The following TTN variants were observed in gnomAD, a reference collection of about 807,000 sequenced individuals.
The protein encoded by TTN is titin, also known as connectin.
TTN carries 1,525 observed loss-of-function variants against 3,223.0 expected under a neutral mutation model. The observed-to-expected ratio is 0.47, with a 90% CI of 0.45 to 0.49. TTN has a LOEUF of 0.49. Ranked by LOEUF, TTN falls within the 20% of genes least tolerant of loss-of-function variation. TTN has a pLI of 0.00. For synonymous variants in TTN, 14,094 were observed against 15,161.0 expected (o/e 0.93, Z 5.17); for missense variants, 40,786 against 43,424.0 (o/e 0.94, Z 5.40).
chr2:178,741,107 T>A lies in TTN; in HGVS notation c.12126A>T (p.Ala4042=), dbSNP rs1251839908. 1.9e-6 allele frequency: 3 copies of A among 1,613,844 alleles called. No individual in the cohort carries two copies. The highest frequency in any genetic ancestry group is 2.5e-6 in the Non-Finnish European group (3 of 1,179,820). The change falls in exon 48 of 363, where the codon GCA becomes GCT. Residue 4042 remains alanine (A), a synonymous_variant. Transcript: ENST00000589042. ...CCTCAGGAGCCTCTGGTGTGGACTT[T>A]GCTTTGCAGGGGGTATCAGTCATGT... ...DTDMTDTPCK[A]KSTPEAPEDF... is the part of the protein sequence containing the mutation.
At chr2:178,579,494 G>A in intron 319 of TTN, 67 bp downstream of exon 319, 1 of 1,583,772 alleles carries the variant, frequency 6.3e-7, no homozygotes, top group East Asian at 2.2e-5. Context: ...AAGCTAGTGA[G>A]TGGGACACAA....
At chr2:178,772,217 C>A (rs183850388) in intron 33 of TTN, among the ~76,000 whole-genome samples, 2 of 152,172 alleles carry the variant, frequency 1.3e-5, no homozygotes, top group Admixed American at 6.5e-5. Flanking sequence ...TATAAAAATG[C>A]TGAATCTGAA....
rs544355195 is a variant in TTN at position 178,721,078 on chromosome 2, G to A, written c.22941C>T (p.Ser7647=). 14 of 1,612,972 alleles carry A rather than the reference G, an allele frequency of 8.7e-6. No homozygotes were observed. The highest frequency in any genetic ancestry group is 4.5e-5 in the East Asian group (2 of 44,872). ...TGTATTTCCAACTTTCATGAAGTTCGCTGTCATTTCGGAACCATGAAACTT... is the reference window on the plus strand; with the variant it reads ...TGTATTTCCAACTTTCATGAAGTTCACTGTCATTTCGGAACCATGAAACTT... ...EIKVSWFRND[S]ELHESWKYNM... is the part of the protein sequence containing the mutation. Residue 7647 remains serine (S), a synonymous_variant, in exon 79 of 363, where the codon AGC becomes AGT. Transcript: ENST00000589042.
At position 178,679,335 on chromosome 2, in the gene TTN, G is replaced by A. The variant is rs1315153131; in HGVS notation, c.33742+4C>T. ...TATTCCACTGATGGATTATAAGGAT[G>A]TACCTTTTGCTGGCGGAGGCTTCTC... is the stretch of plus-strand genomic sequence containing the variant. On this transcript the variant is annotated splice_donor_region_variant and intron_variant, in intron 142 of 362. Transcript: ENST00000589042. 2 of 1,612,416 alleles carry A rather than the reference G, an allele frequency of 1.2e-6. No individual in the cohort carries two copies. Among genetic ancestry groups the A allele is most frequent in the Admixed American group, 1.7e-5 (1 of 59,842 alleles).
At chr2:178,783,131 C>A (rs772022563) in intron 17 of TTN, 67 bp from the exon 18 acceptor site, 33 of 1,579,310 alleles carry the variant, frequency 2.1e-5, no homozygotes, top group Non-Finnish European at 2.5e-5. Context: ...TGTTTTGTAA[C>A]AAATGTAGAG....
intron 6 of TTN, 87 bp downstream of exon 6, chr2:178,799,400 C>T (rs1002030449): frequency 6.2e-6 from 10 of 1,601,544 alleles, no homozygotes; most frequent in Middle Eastern, 2.2e-4. Flanking sequence ...GCGTCGCATG[C>T]CCTGCGAGGG....
In TTN at chr2:178,561,841, G is replaced by A. The variant is rs771977876; in HGVS notation, c.84291C>T (p.Thr28097=). 3.7e-6 allele frequency: 6 copies of A among 1,613,554 alleles called. No homozygotes were observed. Among genetic ancestry groups the A allele is most frequent in the Admixed American group, 3.3e-5 (2 of 59,986 alleles). ...AAACTATGTGCCATGTTGTAGAGGT[G>A]GTTTCTTTCTTTTCAACAATGTAAT... ...ISNYIVEKKE[T]TSTTWHIVSQ... Residue 28097 remains threonine (T), a synonymous_variant, in exon 326 of 363, where the codon ACC becomes ACT. Transcript: ENST00000589042.
Position 178,560,901 on chromosome 2 carries a change from T to C in TTN, c.85231A>G (p.Asn28411Asp). ...RARTEIISTD[N>D]HTLLTVKDCI... ...TCTTTAACTGTTAACAAAGTATGAT[T>C]GTCTGTTGAGATGATTTCTGTTCTT... The change falls in exon 326 of 363, where the codon AAT (asparagine) becomes GAT (aspartate). Residue 28411 changes from asparagine to aspartate, a missense_variant. Physicochemically the swap from Asn to Asp is conservative, Grantham distance 23 (BLOSUM62 1). Transcript: ENST00000589042. 6.2e-7 allele frequency: 1 copy of C among 1,613,766 alleles called. No homozygotes were observed. The highest frequency in any genetic ancestry group is 8.5e-7 in the Non-Finnish European group (1 of 1,179,810).
At chr2:178,781,583 AT>A (rs141324241) in intron 20 of TTN, among the ~76,000 whole-genome samples, 1 of 152,140 alleles carries the variant, frequency 6.6e-6, no homozygotes, top group African/African-American at 2.4e-5. Context: ...TTTGTTCGTT[AT>A]TTTTCTCATT....
intron 147 of TTN, 84 bp downstream of exon 147, chr2:178,677,117 T>A: frequency 1.2e-6 from 1 of 844,982 alleles, no homozygotes; most frequent in Non-Finnish European, 1.5e-6. Flanking sequence ...TTTGTAAATA[T>A]AATTTTCCTA....
Position 178,732,839 on chromosome 2 carries a change from A to G in TTN, c.16337T>C (p.Val5446Ala). ...ATGCAAAGTCTCCAGCCAACCTTGC[A>G]CAATCAGGGCTCCACTGCTGTCTTT... Reference protein sequence around the residue: ...GSKDSSGALIVQEPPSFVTKP... With the variant: ...GSKDSSGALIAQEPPSFVTKP... The change falls in exon 55 of 363, where the codon GTG (valine) becomes GCG (alanine). Residue 5446 changes from valine (V) to alanine (A), a missense_variant. Transcript: ENST00000589042. 6.2e-7 allele frequency: 1 copy of G among 1,608,182 alleles called. No homozygotes were observed.
rs946411797 is a variant in TTN, at chr2:178,680,995, C to T, written c.33340+84G>A. 2.5e-6 allele frequency: 3 copies of T among 1,198,682 alleles called. No individual in the cohort carries two copies. The African/African-American group carries it at 4.7e-5, about 19-fold the overall frequency. The allele number at this position is 1,198,682 out of a possible 1,614,324, so 74.3% of individuals were successfully genotyped here. ...GACAACTAATTTAAAAGACATGAAA[C>T]AACAAAATGAAATGAATCATAGTTA... On this transcript the variant is annotated intron_variant, in intron 138 of 362. Coordinates refer to ENST00000589042, the MANE Select transcript of TTN (RefSeq NM_001267550.2).
At chr2:178,559,274 C>A (rs753859303) in intron 326 of TTN, 37 bp downstream of exon 326, 6 of 1,512,292 alleles carry the variant, frequency 4.0e-6, no homozygotes, top group Non-Finnish European at 5.3e-6. Context: ...GCAAAATTAA[C>A]GTGGATATGT....
At chr2:178,796,201 G>C (rs538152088) in intron 6 of TTN, among the ~76,000 whole-genome samples, 1 of 151,474 alleles carries the variant, frequency 6.6e-6, no homozygotes, top group African/African-American at 2.4e-5. Flanking sequence ...ACTATTGTAA[G>C]GTAAAATTTT....
rs1400360100 is a variant in TTN, at chr2:178,734,399, A to G, written c.15425T>C (p.Val5142Ala). The G allele has an allele frequency of 1.9e-6, 3 of 1,612,960 alleles. No homozygotes were observed. Among genetic ancestry groups the G allele is most frequent in the African/African-American group, 2.7e-5 (2 of 74,894 alleles). The change falls in exon 52 of 363, where the codon GTT becomes GCT. Residue 5142 changes from valine (V) to alanine (A), a missense_variant. Coordinates refer to ENST00000589042, the MANE Select transcript of TTN (RefSeq NM_001267550.2). ...AGCAACAACACATTCATATTCACCA[A>G]CATCTGCACTATTAAACGAAAAGAT... Reference protein sequence around the residue: ...LEIFSFNSADVGEYECVVANE... With the variant: ...LEIFSFNSADAGEYECVVANE...
chr2:178,534,769 G>A lies in TTN; in HGVS notation c.101846C>T (p.Thr33949Ile), dbSNP rs1559040993. 6.2e-7 allele frequency: 1 copy of A among 1,613,310 alleles called. No homozygotes were observed. The highest frequency in any genetic ancestry group is 8.5e-7 in the Non-Finnish European group (1 of 1,179,782). ...GATTTTAATGGTAGAGCTTCTTCTG[G>A]TTTGGTAAATGATATTTTCTGGTCT... is the stretch of plus-strand genomic sequence containing the variant. ...DIRPENIIYQ[T>I]RRSSTIKIIE... Residue 33949 changes from threonine to isoleucine, a missense_variant, in exon 358 of 363, where the codon ACC becomes ATC. Thr to Ile is a moderately conservative substitution (Grantham distance 89). Transcript: ENST00000589042.
In TTN at chr2:178,560,416, T is replaced by C; in HGVS notation, c.85716A>G (p.Ser28572=). The C allele has an allele frequency of 6.2e-7, 1 of 1,613,728 alleles. No individual in the cohort carries two copies. The highest frequency in any genetic ancestry group is 1.7e-4 in the Middle Eastern group (1 of 6,056). Residue 28572 remains serine, a synonymous_variant, in exon 326 of 363, where the codon TCA becomes TCG. Coordinates refer to ENST00000589042, the MANE Select transcript of TTN (RefSeq NM_001267550.2). ...CACTACCTCCATCACTCTCGGGTCT[T>C]GACCAGCAAAGTGTCATAGATTCTT... The part of the protein sequence containing the change: ...VTKESMTLCW[S]RPESDGGSEI...
At chr2:178,804,804 T>A in intron 1 of TTN, 149 bp from the exon 2 acceptor site, 1 of 716,556 alleles carries the variant, frequency 1.4e-6, no homozygotes, top group Non-Finnish European at 2.3e-6. Flanking sequence ...TTCTCTTTTG[T>A]GGCTTGAACA....
chr2:178,757,024 C>T (rs2087229786), intron 45 of TTN, among the ~76,000 whole-genome samples: 1 of 152,020 alleles, frequency 6.6e-6, no homozygotes, highest in African/African-American at 2.4e-5. Context: ...ATGCAGATGC[C>T]ATGCAGTATC....
Sources: gnomAD v4.1 joint callset for allele counts (sites outside exome capture counted in the v4.1 genomes callset) on GRCh38, gnomAD v4.1.1 for gene constraint, MANE v1.5 for transcripts, NCBI Gene and HGNC (gene_info 2026-07-23, HGNC 2026-07-21) for gene names.